Variants in STK25 observed in about 807,000 individuals in gnomAD.
The protein encoded by STK25 is serine/threonine-protein kinase 25.
In STK25, 29 loss-of-function variants were observed where a neutral mutation model predicts 53.8. The ratio of observed to expected loss-of-function variants is 0.54; its 90% CI spans 0.40 to 0.74. STK25 has a LOEUF of 0.74. Ranked by LOEUF, STK25 falls within the 30% of genes least tolerant of loss-of-function variation. The pLI is 0.00. For synonymous variants in STK25, 247 were observed against 238.3 expected, an observed-to-expected ratio of 1.04 and a Z score of -0.33; for missense variants, 420 against 568.0, an observed-to-expected ratio of 0.74 and a Z score of 2.65.
intron 8 of STK25, 62 bp from the exon 9 acceptor site, chr2:241,498,411 A>G: frequency 7.0e-7 from 1 of 1,434,592 alleles, no homozygotes; most frequent in Non-Finnish European, 9.5e-7. Flanking sequence ...TGAGGGCCTC[A>G]GGGCACACCT....
At position 241,499,417 on chromosome 2, in the gene STK25, G is replaced by A; in HGVS notation, c.428-3C>T. ...CTCCGAGAGTAGCACGTTGGCAGCT[G>A]CTTGACACAGGACAGGCAGGCGTCA... On this transcript the variant is annotated splice_polypyrimidine_tract_variant and splice_region_variant and intron_variant, in intron 5 of 11. Transcript: ENST00000316586. The A allele has an allele frequency of 6.2e-7, 1 of 1,613,146 alleles. No individual in the cohort carries two copies. The highest frequency in any genetic ancestry group is 8.5e-7 in the Non-Finnish European group (1 of 1,179,652).
Position 241,495,345 on chromosome 2 carries a change from G to A in STK25, c.*317C>T, listed in dbSNP as rs1020552480. 3.3e-5 allele frequency: 12 copies of A among 361,048 alleles called. No homozygotes were observed. Among genetic ancestry groups the A allele is most frequent in the Non-Finnish European group, 4.2e-5 (8 of 192,414 alleles). The allele number at this position is 361,048 out of a possible 1,614,324, so 22.4% of individuals were successfully genotyped here. On this transcript the variant is annotated 3_prime_UTR_variant, in exon 12 of 12. Coordinates refer to ENST00000316586, the MANE Select transcript of STK25 (RefSeq NM_001271977.2). ...CCTTGGTCTGAGCGGCCATAGGGCT[G>A]CATGAGTCTGCAGAAGACCCAGGCG...
chr2:241,508,509 A>C lies in STK25; in HGVS notation c.-167T>G. 2 of 1,014,926 alleles carry C rather than the reference A, an allele frequency of 2.0e-6. No individual in the cohort carries two copies. The highest frequency in any genetic ancestry group is 2.4e-6 in the Non-Finnish European group (2 of 847,342). 62.9% of individuals were successfully genotyped at this position (1,014,926 alleles called of 1,614,324 possible). ...AGCGCCCGCGAAGGCTCCCACCCGC[A>C]GCCTCTGTTCGCCCGGGGACCCCGG... On this transcript the variant is annotated 5_prime_UTR_variant, in exon 1 of 12. Transcript: ENST00000316586.
rs1277411575 is a variant in STK25, at chr2:241,500,788, C to T, written c.270G>A (p.Lys90=). 6.2e-7 allele frequency: 1 copy of T among 1,613,840 alleles called. No individual in the cohort carries two copies. The highest frequency in any genetic ancestry group is 8.5e-7 in the Non-Finnish European group (1 of 1,179,922). Residue 90 remains lysine, a synonymous_variant, in exon 4 of 12, where the codon AAG becomes AAA. Coordinates refer to ENST00000316586, the MANE Select transcript of STK25 (RefSeq NM_001271977.2). ...RYFGSYLKST[K]LWIIMEYLGG... is the part of the protein sequence containing the mutation. ...CCAGGTACTCCATGATGATCCATAG[C>T]TTGGTGCTCTGGGACCGGAGACAAA...
At position 241,495,741 on chromosome 2, in the gene STK25, T is replaced by C. The variant is rs769802539; in HGVS notation, c.1242-40A>G. The C allele has an allele frequency of 2.5e-6, 4 of 1,612,954 alleles. No homozygotes were observed. The Admixed American group carries it at 6.7e-5, about 27-fold the overall frequency. ...GCCCACTGCTGCGTGCGTGCACCTC[T>C]GTGCCCAGGCTCCTGACGGCCTCTT... is the stretch of plus-strand genomic sequence containing the variant. On this transcript the variant is annotated intron_variant, in intron 11 of 11. Coordinates refer to ENST00000316586, the MANE Select transcript of STK25 (RefSeq NM_001271977.2).
chr2:241,506,220 C>T (rs531683874), intron 2 of STK25, among the ~76,000 whole-genome samples: 1 of 152,376 alleles, frequency 6.6e-6, no homozygotes, highest in East Asian at 1.9e-4. Flanking sequence ...TGGCAACCAT[C>T]TCAGGAGAAA....
intron 2 of STK25, among the ~76,000 whole-genome samples, chr2:241,505,244 C>A (rs1325711762): frequency 1.3e-5 from 2 of 152,174 alleles, no homozygotes; most frequent in Non-Finnish European, 2.9e-5. Flanking sequence ...CCTGTTTGCT[C>A]AGCCCATCAA....
In STK25 at chr2:241,501,466, C is replaced by A; in HGVS notation, c.261+12G>T. The A allele has an allele frequency of 3.1e-6, 5 of 1,612,986 alleles. No individual in the cohort carries two copies. Among genetic ancestry groups the A allele is most frequent in the Non-Finnish European group, 4.2e-6 (5 of 1,179,432 alleles). ...AGCACCAGCAGGGTCCCCGCCTCCC[C>A]ACAACAGGCACCTTTAGGTAGGAGC... On this transcript the variant is annotated intron_variant, in intron 3 of 11. Transcript: ENST00000316586. This position sits in a 1 kb window ranked among gnomAD's most constrained non-coding sequence, Gnocchi z 5.3.
rs1459531072 is a variant in STK25, at chr2:241,501,025, CCACTT to C, written c.262-234_262-230del. ...TGAGTACACACAGCAGTGGCTGACT[CCACTT>C]CACCAAGACCCCATCAAAAACCAGG... On this transcript the variant is annotated intron_variant, in intron 3 of 11. Transcript: ENST00000316586. The surrounding 1 kb of genome is among the most constrained non-coding windows in gnomAD (Gnocchi z 5.3). 18 of 589,892 alleles carry C rather than the reference CCACTT, an allele frequency of 3.1e-5. No individual in the cohort carries two copies. The highest frequency in any genetic ancestry group is 1.2e-4 in the Admixed American group (4 of 32,992). The allele number at this position is 589,892 out of a possible 1,614,324, so 36.5% of individuals were successfully genotyped here. A position where few individuals can be genotyped will look rare whatever the true frequency, so the allele number is the denominator to read the frequency against.
chr2:241,493,783 GAC>G lies in STK25; in HGVS notation c.*1877_*1878del. On this transcript the variant is annotated 3_prime_UTR_variant, in exon 12 of 12. Coordinates refer to ENST00000316586, the MANE Select transcript of STK25 (RefSeq NM_001271977.2). ...GGCTAATTTTTGTATTTTTAGTAGA[GAC>G]AGGGTTTCACCATGTTGGCCAGGCT... 4.1e-6 allele frequency: 2 copies of G among 485,152 alleles called. No homozygotes were observed. Among genetic ancestry groups the G allele is most frequent in the South Asian group, 6.9e-5 (2 of 28,982 alleles). The allele number at this position is 485,152 out of a possible 1,614,324, so 30.1% of individuals were successfully genotyped here. A position where few individuals can be genotyped will look rare whatever the true frequency, so the allele number is the denominator to read the frequency against.
At chr2:241,499,514 G>A in intron 5 of STK25, 100 bp from the exon 6 acceptor site, 1 of 1,436,454 alleles carries the variant, frequency 7.0e-7, no homozygotes, top group South Asian at 1.4e-5. Flanking sequence ...GGCCTCCTAG[G>A]GCACAGCAGG....
At position 241,495,692 on chromosome 2, in the gene STK25, G is replaced by A; in HGVS notation, c.1251C>T (p.His417=). The change falls in exon 12 of 12, where the codon CAC becomes CAT. Residue 417 remains histidine, a synonymous_variant. Coordinates refer to ENST00000316586, the MANE Select transcript of STK25 (RefSeq NM_001271977.2). ...GGGTGGATGTCAGGTGGTTTCTGTTGTGTGAAAACCTGCAGAGAGAAGAGC... is the reference window on the plus strand; with the variant it reads ...GGGTGGATGTCAGGTGGTTTCTGTTATGTGAAAACCTGCAGAGAGAAGAGC... The part of the protein sequence containing the change: ...HLVERVQRFS[H]NRNHLTSTR The A allele has an allele frequency of 6.2e-7, 1 of 1,614,232 alleles. No homozygotes were observed. Among genetic ancestry groups the A allele is most frequent in the Non-Finnish European group, 8.5e-7 (1 of 1,180,032 alleles).
In STK25 at chr2:241,501,117, C is replaced by T; in HGVS notation, c.262-321G>A. 1.8e-6 allele frequency: 1 copy of T among 552,196 alleles called. No homozygotes were observed. Among genetic ancestry groups the T allele is most frequent in the South Asian group, 2.0e-5 (1 of 48,898 alleles). 34.2% of individuals were successfully genotyped at this position (552,196 alleles called of 1,614,324 possible). A position where few individuals can be genotyped will look rare whatever the true frequency, so the allele number is the denominator to read the frequency against. ...TGGCTGGCAAGCATGTGACCCGACA[C>T]ACCCATCACCCTCCTGGGCAGGATG... On this transcript the variant is annotated intron_variant, in intron 3 of 11. Transcript: ENST00000316586. This position sits in a 1 kb window ranked among gnomAD's most constrained non-coding sequence, Gnocchi z 5.3.
At chr2:241,506,325 T>C (rs954960791) in intron 2 of STK25, among the ~76,000 whole-genome samples, 1 of 152,198 alleles carries the variant, frequency 6.6e-6, no homozygotes, top group Non-Finnish European at 1.5e-5. Flanking sequence ...AAAAGGAGCT[T>C]CCTACCTTTG....
chr2:241,500,583 A>G (rs2065447536), intron 4 of STK25, among the ~76,000 whole-genome samples, 157 bp downstream of exon 4: 1 of 152,160 alleles, frequency 6.6e-6, no homozygotes, highest in South Asian at 2.1e-4. Context: ...AACTGGGCAG[A>G]CGTGCAGATG....
At chr2:241,499,445 C>A in intron 5 of STK25, 31 bp from the exon 6 acceptor site, 1 of 1,605,590 alleles carries the variant, frequency 6.2e-7, no homozygotes, top group Non-Finnish European at 8.5e-7. Context: ...AGGCGTCATC[C>A]CAGGCTCCAC....
chr2:241,502,019 C>G (rs1042554084), intron 2 of STK25: 6 of 296,560 alleles, frequency 2.0e-5, no homozygotes, highest in African/African-American at 1.3e-4. Flanking sequence ...AAAAAATTAT[C>G]TGGGCGTGGC....
Position 241,493,294 on chromosome 2 carries a change from A to G in STK25, c.*2368T>C. On this transcript the variant is annotated 3_prime_UTR_variant, in exon 12 of 12. Transcript: ENST00000316586. The stretch of plus-strand genomic sequence containing the variant: ...CCGTGTCCCTATGCTGTCTTGCAGG[A>G]TGACTACCCACTGGCCAGCCTCCCG... 6.2e-7 allele frequency: 1 copy of G among 1,613,712 alleles called. No individual in the cohort carries two copies. Among genetic ancestry groups the G allele is most frequent in the Non-Finnish European group, 8.5e-7 (1 of 1,179,966 alleles).
At chr2:241,497,902 C>T (rs920508994) in intron 9 of STK25, among the ~76,000 whole-genome samples, 1 of 148,534 alleles carries the variant, frequency 6.7e-6, no homozygotes, top group African/African-American at 2.5e-5. Flanking sequence ...GCCTGTGACT[C>T]CCACCCTCTC....
Sources: allele counts gnomAD v4.1 joint callset (sites outside exome capture counted in the v4.1 genomes callset), GRCh38; gene constraint gnomAD v4.1.1; non-coding constraint Gnocchi (gnomAD v3.1); transcripts MANE v1.5; gene names NCBI Gene and HGNC (gene_info 2026-07-23, HGNC 2026-07-21).